COL14A1: variants seen among roughly 807,000 people sequenced by gnomAD.
COL14A1 encodes the protein collagen alpha-1(XIV) chain.
COL14A1 carries 136 observed loss-of-function variants against 230.3 expected under a neutral mutation model. The ratio of observed to expected loss-of-function variants is 0.59; its 90% confidence interval spans 0.51 to 0.68. The LOEUF is 0.68. COL14A1 is among the 30% of genes least tolerant of loss of function. The pLI, the probability that COL14A1 is intolerant of heterozygous loss-of-function variation, is 0.00. For synonymous variants in COL14A1, 792 were observed against 784.1 expected (o/e 1.01, Z -0.17); for missense variants, 1,976 against 2,215.8 (o/e 0.89, Z 2.17).
In COL14A1 at chr8:120,372,847, A is replaced by G. The variant is rs1812205019; in HGVS notation, c.*1616A>G. ...GGGCAGGGGCGGGGGGCGGTTCTAAACAAATCAGTTTTTTTGGTGTCTTTG... is the reference window on the plus strand; with the variant it reads ...GGGCAGGGGCGGGGGGCGGTTCTAAGCAAATCAGTTTTTTTGGTGTCTTTG... On this transcript the variant is annotated 3_prime_UTR_variant, in exon 48 of 48. Coordinates refer to ENST00000297848, the MANE Select transcript of COL14A1 (RefSeq NM_021110.4). Among the ~76,000 whole-genome samples, 1 of 152,086 alleles carries G rather than the reference A, an allele frequency of 6.6e-6. No individual in the cohort carries two copies. Among genetic ancestry groups the G allele is most frequent in the South Asian group, 2.1e-4 (1 of 4,824 alleles).
chr8:120,133,565 T>C (rs1004370771), intron 1 of COL14A1, among the ~76,000 whole-genome samples: 6 of 152,162 alleles, frequency 3.9e-5, no homozygotes, highest in African/African-American at 1.4e-4. Context: ...ACTACAATAA[T>C]TTAACATTTT....
At chr8:120,252,680 G>A (rs1457184299) in intron 22 of COL14A1, among the ~76,000 whole-genome samples, 1 of 152,168 alleles carries the variant, frequency 6.6e-6, no homozygotes, top group Non-Finnish European at 1.5e-5. Context: ...GAGAAAAAAT[G>A]TATGTAACGT....
intron 21 of COL14A1, among the ~76,000 whole-genome samples, chr8:120,248,380 C>T (rs1175387948): frequency 2.0e-5 from 3 of 151,950 alleles, no homozygotes; most frequent in Non-Finnish European, 2.9e-5. Flanking sequence ...AAGAGGAGAC[C>T]GTATGCCCCA....
intron 36 of COL14A1, among the ~76,000 whole-genome samples, chr8:120,307,516 A>G (rs1233273955): frequency 6.6e-6 from 1 of 152,248 alleles, no homozygotes; most frequent in Non-Finnish European, 1.5e-5. Context: ...CTCAGAATGC[A>G]TTTCCATCAC....
intron 3 of COL14A1, among the ~76,000 whole-genome samples, chr8:120,159,716 G>A (rs1815597695): frequency 6.6e-6 from 1 of 152,106 alleles, no homozygotes; most frequent in African/African-American, 2.4e-5. Context: ...TTGAGACTGA[G>A]TTTCGCTCTT....
intron 45 of COL14A1, among the ~76,000 whole-genome samples, chr8:120,349,199 C>A (rs1261786659): frequency 6.6e-6 from 1 of 151,532 alleles, no homozygotes; most frequent in African/African-American, 2.4e-5. Flanking sequence ...GGAAAACTAA[C>A]AAACAGAAAG....
intron 5 of COL14A1, among the ~76,000 whole-genome samples, chr8:120,196,127 C>T (rs1817029706): frequency 6.6e-6 from 1 of 152,042 alleles, no homozygotes; most frequent in East Asian, 1.9e-4. Flanking sequence ...CCTAACTGAG[C>T]CATTTAAAAA....
intron 28 of COL14A1, 114 bp from the exon 29 acceptor site, chr8:120,279,821 C>T (rs1586827538): frequency 1.8e-6 from 2 of 1,089,856 alleles, no homozygotes; most frequent in East Asian, 2.6e-5. Flanking sequence ...ATTATCCACC[C>T]CCATGGGCCT....
intron 5 of COL14A1, among the ~76,000 whole-genome samples, chr8:120,168,498 A>G (rs1346769585): frequency 6.6e-6 from 1 of 152,118 alleles, no homozygotes; most frequent in Non-Finnish European, 1.5e-5. Flanking sequence ...TGTTCTGTGC[A>G]TACCTTTTCA....
chr8:120,189,726 C>T (rs1440911588), intron 5 of COL14A1, among the ~76,000 whole-genome samples: 1 of 126,982 alleles, frequency 7.9e-6, no homozygotes, highest in African/African-American at 2.7e-5. Flanking sequence ...TGAGTGAGAA[C>T]ATGCGGTGTT....
chr8:120,289,548 C>A, intron 33 of COL14A1, 60 bp from the exon 34 acceptor site: 2 of 1,410,886 alleles, frequency 1.4e-6, no homozygotes, highest in Admixed American at 1.9e-5. Flanking sequence ...TACAATTATA[C>A]AAATTTGGTT....
chr8:120,360,746 G>T (rs1823172320), intron 45 of COL14A1, among the ~76,000 whole-genome samples: 1 of 152,224 alleles, frequency 6.6e-6, no homozygotes, highest in South Asian at 2.1e-4. Flanking sequence ...ACATGCAGGA[G>T]GGGTGCTTTT....
chr8:120,233,255 G>A (rs1484844054), intron 19 of COL14A1, among the ~76,000 whole-genome samples: 2 of 152,132 alleles, frequency 1.3e-5, no homozygotes, highest in Non-Finnish European at 2.9e-5. Context: ...TAGCTGTGCA[G>A]AAGCTCTTTA....
At chr8:120,184,118 C>A (rs555133353) in intron 5 of COL14A1, among the ~76,000 whole-genome samples, 141 of 152,050 alleles carry the variant, frequency 9.3e-4, no homozygotes, top group African/African-American at 3.4e-3. Context: ...TGAAAGCTAT[C>A]ACTAAGTGGT....
At chr8:120,176,448 C>T (rs1816285891) in intron 5 of COL14A1, among the ~76,000 whole-genome samples, 1 of 152,132 alleles carries the variant, frequency 6.6e-6, no homozygotes, top group African/African-American at 2.4e-5. Flanking sequence ...GGATCTCTCA[C>T]CTCCCATTAA....
intron 7 of COL14A1, 142 bp from the exon 8 acceptor site, chr8:120,199,260 A>C: frequency 1.5e-6 from 1 of 684,188 alleles, no homozygotes; most frequent in Non-Finnish European, 2.2e-6. Context: ...TGTGAAAGAC[A>C]ACGTTATTAC....
chr8:120,200,697 C>T (rs2130724243), intron 8 of COL14A1, among the ~76,000 whole-genome samples: 1 of 116,426 alleles, frequency 8.6e-6, no homozygotes, highest in African/African-American at 3.2e-5. Flanking sequence ...AGAGAAAGAT[C>T]CTAAAAAGTT....
chr8:120,276,990 A>T (rs144438168), intron 26 of COL14A1, among the ~76,000 whole-genome samples: 1 of 152,206 alleles, frequency 6.6e-6, no homozygotes, highest in African/African-American at 2.4e-5. Context: ...CAGCAGCTTA[A>T]GGCCCATTTA....
At chr8:120,220,518 C>T (rs1179663797) in intron 14 of COL14A1, among the ~76,000 whole-genome samples, 1 of 152,054 alleles carries the variant, frequency 6.6e-6, no homozygotes, top group Non-Finnish European at 1.5e-5. Flanking sequence ...GTGATCTGCC[C>T]ACCTCGGCCT....
Sources: allele counts gnomAD v4.1 joint callset (sites outside exome capture counted in the v4.1 genomes callset), GRCh38; gene constraint gnomAD v4.1.1; transcripts MANE v1.5; gene names NCBI Gene and HGNC (gene_info 2026-07-23, HGNC 2026-07-21).